Variants in CSPP1 observed in about 807,000 individuals in gnomAD.
CSPP1 encodes the protein centrosome and spindle pole-associated protein 1.
In CSPP1, 126 loss-of-function variants were observed where a neutral mutation model predicts 164.4. The ratio of observed to expected loss-of-function variants is 0.77; its 90% CI spans 0.66 to 0.89. The LOEUF (loss-of-function observed/expected upper bound fraction) is 0.89. Ranked by LOEUF, CSPP1 falls within the 40% of genes least tolerant of loss-of-function variation. The pLI is 0.00. For missense variants in CSPP1, 1,395 were observed against 1,449.8 expected, an observed-to-expected ratio of 0.96 and a Z score of 0.61; for synonymous variants, 472 against 476.7, an observed-to-expected ratio of 0.99 and a Z score of 0.13.
intron 27 of CSPP1, among the ~76,000 whole-genome samples, chr8:67,179,340 A>G (rs1832459017): frequency 6.6e-6 from 1 of 152,184 alleles, no homozygotes. Context: ...ATCTGAGAGT[A>G]TACCCCTCTC....
chr8:67,092,945 A>G (rs1413400164), intron 5 of CSPP1, among the ~76,000 whole-genome samples: 1 of 152,206 alleles, frequency 6.6e-6, no homozygotes, highest in African/African-American at 2.4e-5. Context: ...GGTTAGCAGC[A>G]GGTGCTTCAG....
chr8:67,138,196 A>T (rs1822747714), intron 17 of CSPP1, among the ~76,000 whole-genome samples: 1 of 152,150 alleles, frequency 6.6e-6, no homozygotes, highest in Non-Finnish European at 1.5e-5. Flanking sequence ...GCTTTATACA[A>T]CTTGTTATAT....
intron 15 of CSPP1, among the ~76,000 whole-genome samples, chr8:67,125,834 A>G (rs1819945784): frequency 6.6e-6 from 1 of 151,948 alleles, no homozygotes; most frequent in Non-Finnish European, 1.5e-5. Context: ...TGTTTTCACA[A>G]TTTAATTCTT....
chr8:67,152,256 G>C (rs759895268), intron 18 of CSPP1, among the ~76,000 whole-genome samples: 7 of 152,172 alleles, frequency 4.6e-5, no homozygotes, highest in Non-Finnish European at 5.9e-5. Context: ...TGTAGCATTT[G>C]ATATTTTAAA....
intron 24 of CSPP1, among the ~76,000 whole-genome samples, chr8:67,165,270 T>C (rs966167979): frequency 1.3e-5 from 2 of 151,914 alleles, no homozygotes; most frequent in Non-Finnish European, 2.9e-5. Flanking sequence ...GGTGACAGAG[T>C]GAGACTCTGT....
chr8:67,116,070 GA>G lies in CSPP1; in HGVS notation c.1446del (p.Asp483IlefsTer62). Reference protein sequence around the residue: ...PSVHPVPSQNEDLRSGLSSAL... With the variant: ...PSVHPVPSQNXDLRSGLSSAL... ...AGTTCATCCTGTTCCTTCTCAAAAT[GA>G]AGATTTGCGCAGTGGACTCAGCAGC... On this transcript the variant is annotated frameshift_variant, in exon 13 of 31. Transcript: ENST00000678616. LOFTEE classifies it high-confidence loss of function. The G allele has an allele frequency of 6.2e-7, 1 of 1,614,096 alleles. No individual in the cohort carries two copies. Among genetic ancestry groups the G allele is most frequent in the Non-Finnish European group, 8.5e-7 (1 of 1,180,006 alleles).
chr8:67,073,804 T>C (rs1001139866), intron 1 of CSPP1, among the ~76,000 whole-genome samples: 1 of 152,216 alleles, frequency 6.6e-6, no homozygotes, highest in Non-Finnish European at 1.5e-5. Context: ...AAGCAAAGGA[T>C]GAAGCAAGTG....
intron 22 of CSPP1, among the ~76,000 whole-genome samples, chr8:67,162,854 TGGTGAG>T (rs1206550288): frequency 6.6e-6 from 1 of 152,180 alleles, no homozygotes; most frequent in Non-Finnish European, 1.5e-5. Context: ...TTCAAGTTTT[TGGTGAG>T]GGTTACATAG....
At position 67,109,583 on chromosome 8, in the gene CSPP1, G is replaced by A. The variant is rs1816387313; in HGVS notation, c.1094-2389G>A. Among the ~76,000 whole-genome samples the A allele has an allele frequency of 2.6e-5, 4 of 152,200 alleles. No individual in the cohort carries two copies. The South Asian group carries it at 8.3e-4, about 32-fold the overall frequency. ...GAATTATACAGGGATTCAGCTGGGAGCAGGGAACATAGTAGCCATCTTTAA... is the reference window on the plus strand; with the variant it reads ...GAATTATACAGGGATTCAGCTGGGAACAGGGAACATAGTAGCCATCTTTAA... On this transcript the variant is annotated intron_variant, in intron 9 of 30. Coordinates refer to ENST00000678616, the MANE Select transcript of CSPP1 (RefSeq NM_001382391.1).
rs1836028091 is a variant in CSPP1 at position 67,190,836 on chromosome 8, G to A, written c.3330+77G>A. ...GGGTTCTGACCTGTGCTAAATCTGT[G>A]TGGCCCAATAAAGAGCACTTGCTTG... On this transcript the variant is annotated intron_variant, in intron 29 of 30. Transcript: ENST00000678616. 2.9e-6 allele frequency: 3 copies of A among 1,046,204 alleles called. No individual in the cohort carries two copies. The Admixed American group carries it at 5.5e-5, about 19-fold the overall frequency. 64.8% of individuals were successfully genotyped at this position (1,046,204 alleles called of 1,614,324 possible).
At chr8:67,104,949 C>CATATATATATATATATATAT (rs201503845) in intron 8 of CSPP1, among the ~76,000 whole-genome samples, 8 of 83,198 alleles carry the variant, frequency 9.6e-5, no homozygotes, top group South Asian at 4.1e-4. Flanking sequence ...CTTACATGCA[C>CATATATATATATATATATAT]ATATATATAT....
chr8:67,194,895 A>G (rs1341682439), intron 30 of CSPP1, among the ~76,000 whole-genome samples: 1 of 152,172 alleles, frequency 6.6e-6, no homozygotes, highest in Admixed American at 6.5e-5. Flanking sequence ...ATCTCATGCC[A>G]ACTAGTGTTT....
Position 67,091,815 on chromosome 8 carries a change from T to C in CSPP1, c.316T>C (p.Ser106Pro). 7.5e-7 allele frequency: 1 copy of C among 1,326,498 alleles called. No homozygotes were observed. The highest frequency in any genetic ancestry group is 1.2e-5 in the South Asian group (1 of 82,638). 82.2% of individuals were successfully genotyped at this position (1,326,498 alleles called of 1,614,324 possible). A position where few individuals can be genotyped will look rare whatever the true frequency, so the allele number is the denominator to read the frequency against. ...TGTATATATACAGAAAAATTTTCTA[T>C]CTACGAGTGAAACAGATCCATCTAC... Reference protein sequence around the residue: ...RRYLTQKNFLSTSETDPSTLG... With the variant: ...RRYLTQKNFLPTSETDPSTLG... The change falls in exon 5 of 31, where the codon TCT becomes CCT. Residue 106 changes from serine (S) to proline (P), a missense_variant. Physicochemically the swap from Ser to Pro is moderately conservative, Grantham distance 74. Coordinates refer to ENST00000678616, the MANE Select transcript of CSPP1 (RefSeq NM_001382391.1).
chr8:67,150,275 T>C (rs1054874469), intron 18 of CSPP1, among the ~76,000 whole-genome samples: 2 of 152,196 alleles, frequency 1.3e-5, no homozygotes, highest in East Asian at 1.9e-4. Context: ...CTTATATCCA[T>C]AGCTGTTTGA....
chr8:67,093,454 G>T, intron 5 of CSPP1, 89 bp from the exon 6 acceptor site: 1 of 744,666 alleles, frequency 1.3e-6, no homozygotes, highest in South Asian at 1.7e-5. Flanking sequence ...TGATATGTAT[G>T]ATTCAGATTT....
At chr8:67,173,446 AG>A (rs1830871080) in intron 25 of CSPP1, 1 of 152,242 alleles carries the variant, frequency 6.6e-6, no homozygotes, top group African/African-American at 2.4e-5. Flanking sequence ...TTGGAGCAGA[AG>A]GGGCAGATTA....
intron 1 of CSPP1, 28 bp from the exon 2 acceptor site, chr8:67,074,215 A>G: frequency 7.6e-7 from 1 of 1,312,016 alleles, no homozygotes; most frequent in South Asian, 1.2e-5. Flanking sequence ...TGTGATATAG[A>G]TACGCTCACT....
intron 22 of CSPP1, 46 bp downstream of exon 22, chr8:67,161,961 G>A (rs770645081): frequency 2.4e-6 from 3 of 1,226,654 alleles, no homozygotes; most frequent in Non-Finnish European, 3.6e-6. Flanking sequence ...CAGTTATTTT[G>A]GATTGGGGGA....
chr8:67,068,333 C>T (rs959000680), intron 1 of CSPP1, among the ~76,000 whole-genome samples: 1 of 152,166 alleles, frequency 6.6e-6, no homozygotes, highest in Non-Finnish European at 1.5e-5. Context: ...ATATTTCAAA[C>T]TCAGTTCTTT....
Sources: gnomAD v4.1 joint callset for allele counts (sites outside exome capture counted in the v4.1 genomes callset) on GRCh38, gnomAD v4.1.1 for gene constraint, MANE v1.5 for transcripts, NCBI Gene and HGNC (gene_info 2026-07-23, HGNC 2026-07-21) for gene names.